FOXP4: variants seen among roughly 807,000 people sequenced by gnomAD.
FOXP4 encodes the protein forkhead box P4, also known as forkhead box protein P4.
Under a neutral mutation model 82.6 loss-of-function variants are expected in FOXP4, and 25 were observed. The ratio of observed to expected loss-of-function variants is 0.30; its 90% CI spans 0.22 to 0.42. The LOEUF (loss-of-function observed/expected upper bound fraction) is 0.42. Ranked by LOEUF, FOXP4 falls within the 10% of genes least tolerant of loss-of-function variation. FOXP4 has a pLI of 1.00. For synonymous variants in FOXP4, 415 were observed against 388.2 expected (o/e 1.07, Z -0.81); for missense variants, 785 against 900.9 (o/e 0.87, Z 1.65).
chr6:41,582,236 C>T (rs1765840978), intron 3 of FOXP4, among the ~76,000 whole-genome samples: 1 of 152,258 alleles, frequency 6.6e-6, no homozygotes, highest in South Asian at 2.1e-4. Flanking sequence ...TATTTAACCT[C>T]TCTGGGCCTC....
intron 2 of FOXP4, among the ~76,000 whole-genome samples, chr6:41,573,483 G>C (rs1189445402): frequency 5.3e-5 from 8 of 152,140 alleles, no homozygotes; most frequent in Non-Finnish European, 5.9e-5. Flanking sequence ...AATGGGGGAT[G>C]GGGGGAGGAG....
chr6:41,581,464 T>C (rs1445557351), intron 3 of FOXP4, among the ~76,000 whole-genome samples: 1 of 152,232 alleles, frequency 6.6e-6, no homozygotes, highest in Non-Finnish European at 1.5e-5. Context: ...GGGCTCACAC[T>C]GCCAGGGCTT....
rs993262516 is a variant in FOXP4 at position 41,592,658 on chromosome 6, G to A, written c.1536+1336G>A. ...GTAATATAGAGCCTCCTTTCCATAA[G>A]ACAGCCTCCTTTTTGGGGGCAAAGT... On this transcript the variant is annotated intron_variant, in intron 13 of 16. Transcript: ENST00000307972. Among the ~76,000 whole-genome samples the A allele has an allele frequency of 3.9e-5, 6 of 152,188 alleles. No individual in the cohort carries two copies. The East Asian group carries it at 9.6e-4, about 24-fold the overall frequency.
chr6:41,551,670 G>C (rs1764006139), intron 1 of FOXP4, among the ~76,000 whole-genome samples: 1 of 152,230 alleles, frequency 6.6e-6, no homozygotes, highest in South Asian at 2.1e-4. Context: ...CAGACTAACA[G>C]TATGTAGAAT....
chr6:41,600,941 G>A lies in FOXP4; in HGVS notation c.*2005G>A, dbSNP rs1029224394. ...TCACTAGTTTGAAATCCAAGTTCTTGCCAGAGTGTTGGAGCAAGGCAGCTG... is the reference window on the plus strand; with the variant it reads ...TCACTAGTTTGAAATCCAAGTTCTTACCAGAGTGTTGGAGCAAGGCAGCTG... On this transcript the variant is annotated 3_prime_UTR_variant, in exon 17 of 17. Transcript: ENST00000307972. 10 of 152,224 alleles carry A rather than the reference G, an allele frequency of 6.6e-5. No individual in the cohort carries two copies. The highest frequency in any genetic ancestry group is 2.4e-4 in the African/African-American group (10 of 41,448). The allele number at this position is 152,224 out of a possible 1,614,324, so 9.4% of individuals were successfully genotyped here. A position where few individuals can be genotyped will look rare whatever the true frequency, so the allele number is the denominator to read the frequency against.
rs1766441481 is a variant in FOXP4, at chr6:41,590,410, C to T, written c.1434+63C>T. On this transcript the variant is annotated intron_variant, in intron 12 of 16. Transcript: ENST00000307972. Reference sequence around the variant, plus strand: ...CACAGGCTGCTCCCCCAGCCCCCGCCACACCCCTGCCTCCAGGAAGGTCCT... The same window carrying T: ...CACAGGCTGCTCCCCCAGCCCCCGCTACACCCCTGCCTCCAGGAAGGTCCT... 2.6e-6 allele frequency: 4 copies of T among 1,546,186 alleles called. No homozygotes were observed. In the East Asian group the frequency reaches 6.7e-5, roughly 26 times the overall value.
chr6:41,597,389 C>A, intron 15 of FOXP4, 147 bp downstream of exon 15: 1 of 806,508 alleles, frequency 1.2e-6, no homozygotes, highest in Non-Finnish European at 2.0e-6. Context: ...CACCTCTCTG[C>A]CCCACCCCAA....
chr6:41,565,622 A>C, intron 1 of FOXP4, 123 bp from the exon 2 acceptor site: 2 of 843,958 alleles, frequency 2.4e-6, no homozygotes, highest in African/African-American at 1.7e-5. Context: ...GCCTCTGGGA[A>C]GTTGAGGAGA....
intron 1 of FOXP4, among the ~76,000 whole-genome samples, chr6:41,555,485 G>A (rs1021326077): frequency 3.9e-5 from 6 of 152,166 alleles, no homozygotes; most frequent in African/African-American, 1.4e-4. Flanking sequence ...AACAGCCAGG[G>A]GCCCAGAAAT....
At chr6:41,569,160 T>C (rs1021000938) in intron 2 of FOXP4, among the ~76,000 whole-genome samples, 3 of 152,186 alleles carry the variant, frequency 2.0e-5, no homozygotes, top group Admixed American at 6.5e-5. Flanking sequence ...TTATGCCCTA[T>C]GGGGAATCTG....
chr6:41,548,824 CTTTTTTTTTTTTT>C (rs11326650), intron 1 of FOXP4, among the ~76,000 whole-genome samples: 1 of 106,100 alleles, frequency 9.4e-6, no homozygotes. Flanking sequence ...GTCTGAAGGC[CTTTTTTTTTTTTT>C]TTTTTTTTCA....
chr6:41,569,667 C>T (rs932297549), intron 2 of FOXP4, among the ~76,000 whole-genome samples: 17 of 152,260 alleles, frequency 1.1e-4, no homozygotes, highest in African/African-American at 4.1e-4. Flanking sequence ...GAGCCGCTGG[C>T]GGCGGTGCTG....
Position 41,591,193 on chromosome 6 carries a change from G to T in FOXP4, c.1435-28G>T. On this transcript the variant is annotated intron_variant, in intron 12 of 16. Transcript: ENST00000307972. The surrounding 1 kb of genome is among the most constrained non-coding windows in gnomAD (Gnocchi z 4.2). ...GTGACCCTTCGAGGCCCAGGCTGAC[G>T]GTCCCTTTGCTTGTTCCTTCCCCGC... 2 of 1,580,272 alleles carry T rather than the reference G, an allele frequency of 1.3e-6. No individual in the cohort carries two copies. The highest frequency in any genetic ancestry group is 2.3e-5 in the South Asian group (2 of 87,152).
intron 2 of FOXP4, 134 bp from the exon 3 acceptor site, chr6:41,577,852 G>T: frequency 1.6e-6 from 1 of 621,642 alleles, no homozygotes; most frequent in Non-Finnish European, 2.8e-6. Context: ...AGCCCTTATG[G>T]ACCCATGACC....
intron 14 of FOXP4, 59 bp from the exon 15 acceptor site, chr6:41,597,117 G>A (rs909885889): frequency 6.4e-7 from 1 of 1,555,706 alleles, no homozygotes; most frequent in Non-Finnish European, 8.9e-7. Flanking sequence ...AGAGTAAAGA[G>A]ATGCGAATGA....
Position 41,587,823 on chromosome 6 carries a change from C to A in FOXP4, c.903C>A (p.His301Gln), listed in dbSNP as rs1242413773. 3.8e-6 allele frequency: 6 copies of A among 1,569,930 alleles called. No homozygotes were observed. The highest frequency in any genetic ancestry group is 5.2e-6 in the Non-Finnish European group (6 of 1,155,936). ...CCCACGAGGAGACCCCCGGCTCCCA[C>A]CCCCTGTACGGACACGGAGAGTGCA... is the stretch of plus-strand genomic sequence containing the variant. ...SSSHEETPGS[H>Q]PLYGHGECKW... Residue 301 changes from histidine (H) to glutamine (Q), a missense_variant, in exon 8 of 17, where the codon CAC becomes CAA. Coordinates refer to ENST00000307972, the MANE Select transcript of FOXP4 (RefSeq NM_001012426.2).
rs1434313356 is a variant in FOXP4, at chr6:41,591,256, G to A, written c.1470G>A (p.Leu490=). Reference sequence around the variant, plus strand: ...AAACCCCTGACAGGCAGCTGACCCTGAATGAGATCTATAACTGGTTCACCA... The same window carrying A: ...AAACCCCTGACAGGCAGCTGACCCTAAATGAGATCTATAACTGGTTCACCA... The part of the protein sequence containing the change: ...ILETPDRQLT[L]NEIYNWFTRM... Residue 490 remains leucine (L), a synonymous_variant, in exon 13 of 17, where the codon CTG becomes CTA. Coordinates refer to ENST00000307972, the MANE Select transcript of FOXP4 (RefSeq NM_001012426.2). The surrounding 1 kb of genome is among the most constrained non-coding windows in gnomAD (Gnocchi z 4.2). 6.2e-7 allele frequency: 1 copy of A among 1,610,532 alleles called. No homozygotes were observed. Among genetic ancestry groups the A allele is most frequent in the East Asian group, 2.2e-5 (1 of 44,878 alleles).
intron 3 of FOXP4, 54 bp downstream of exon 3, chr6:41,578,135 C>T (rs1581749749): frequency 2.0e-6 from 3 of 1,485,158 alleles, no homozygotes; most frequent in East Asian, 2.3e-5. Context: ...GTGGGCCTGG[C>T]ACAGAGGGAG....
chr6:41,595,665 C>T (rs1356782456), intron 14 of FOXP4, among the ~76,000 whole-genome samples: 1 of 152,098 alleles, frequency 6.6e-6, no homozygotes, highest in Non-Finnish European at 1.5e-5. Context: ...TGCAATGGCA[C>T]GATCTCAGCT....
Sources: gnomAD v4.1 joint callset for allele counts (sites outside exome capture counted in the v4.1 genomes callset) on GRCh38, gnomAD v4.1.1 for gene constraint, Gnocchi (gnomAD v3.1) non-coding constraint, MANE v1.5 for transcripts, NCBI Gene and HGNC (gene_info 2026-07-23, HGNC 2026-07-21) for gene names.